SHLD1: variants seen among roughly 807,000 people sequenced by gnomAD.
SHLD1 encodes the protein RINN1-REV7-interacting novel NHEJ regulator 3.
SHLD1 carries 3 observed loss-of-function variants against 5.5 expected under a neutral mutation model. The ratio of observed to expected loss-of-function variants is 0.54; its 90% CI spans 0.25 to 1.40. The LOEUF (loss-of-function observed/expected upper bound fraction) is 1.40. Among genes scored for constraint, SHLD1 ranks in the 40% most tolerant of loss-of-function variants. The pLI is 0.15. For synonymous variants in SHLD1, 92 were observed against 94.3 expected, an observed-to-expected ratio of 0.98 and a Z score of 0.14; for missense variants, 210 against 244.4, an observed-to-expected ratio of 0.86 and a Z score of 0.94.
intron 2 of SHLD1, chr20:5,773,322 CAG>C: frequency 1.7e-6 from 1 of 599,926 alleles, no homozygotes; most frequent in Non-Finnish European, 3.0e-6. Context: ...AATTCAGAAG[CAG>C]GGGAATATTT....
intron 2 of SHLD1, among the ~76,000 whole-genome samples, chr20:5,821,466 C>G (rs1382447769): frequency 1.3e-5 from 2 of 152,148 alleles, no homozygotes; most frequent in Non-Finnish European, 2.9e-5. Context: ...GAGCTGAGAT[C>G]ACACCACTGC....
At chr20:5,826,463 A>G (rs1367499077) in intron 2 of SHLD1, among the ~76,000 whole-genome samples, 1 of 152,150 alleles carries the variant, frequency 6.6e-6, no homozygotes, top group African/African-American at 2.4e-5. Flanking sequence ...AAAAAAAGAA[A>G]AAGATTATGC....
In SHLD1 at chr20:5,855,048, A is replaced by AT. The variant is rs1251202298; in HGVS notation, c.179-7966dup. Among the ~76,000 whole-genome samples the AT allele has an allele frequency of 1.3e-3, 190 of 147,814 alleles. No individual in the cohort carries two copies. The highest frequency in any genetic ancestry group is 1.7e-3 in the African/African-American group (67 of 40,148). On this transcript the variant is annotated intron_variant, in intron 2 of 2. Transcript: ENST00000303142. This position sits in a 1 kb window ranked among gnomAD's most constrained non-coding sequence, Gnocchi z 4.4. ...ACCACCATGGCCGGCTAAATTTTTA[A>AT]TTTTTTTTTTGTAGAGGCAGGGTCT... is the stretch of plus-strand genomic sequence containing the variant.
At chr20:5,795,440 A>G (rs2087197734) in intron 2 of SHLD1, among the ~76,000 whole-genome samples, 1 of 151,788 alleles carries the variant, frequency 6.6e-6, no homozygotes, top group Admixed American at 6.6e-5. Flanking sequence ...TGTACTAAAA[A>G]TACAAAAAAT....
At chr20:5,844,791 A>ATTTTTT (rs1361285741) in intron 2 of SHLD1, among the ~76,000 whole-genome samples, 1 of 98,642 alleles carries the variant, frequency 1.0e-5, no homozygotes, top group African/African-American at 6.4e-5. Flanking sequence ...ATATATATAT[A>ATTTTTT]TATATATATT....
chr20:5,863,073 C>A lies in SHLD1; in HGVS notation c.228C>A (p.Asn76Lys), dbSNP rs2088183523. 6.2e-7 allele frequency: 1 copy of A among 1,614,034 alleles called. No homozygotes were observed. ...AAAATAACTCCTGGACCGCTGAGAA[C>A]TTCTGGCTTGACCCTGCTGTGAAAG... ...IEQNNSWTAE[N>K]FWLDPAVKGQ... is the part of the protein sequence containing the mutation. The change falls in exon 3 of 3, where the codon AAC becomes AAA. Residue 76 changes from asparagine to lysine, a missense_variant. Transcript: ENST00000303142.
At chr20:5,794,017 C>T (rs1000315117) in intron 2 of SHLD1, among the ~76,000 whole-genome samples, 2 of 151,086 alleles carry the variant, frequency 1.3e-5, no homozygotes. Context: ...GCCCCTTTCT[C>T]TCTGGTTTTA....
At chr20:5,822,947 C>T (rs1022839848) in intron 2 of SHLD1, among the ~76,000 whole-genome samples, 3 of 152,076 alleles carry the variant, frequency 2.0e-5, no homozygotes. Flanking sequence ...CTCTTACCTT[C>T]CCGATTTCTC....
chr20:5,797,070 T>C (rs1451665741), intron 2 of SHLD1, among the ~76,000 whole-genome samples: 1 of 152,130 alleles, frequency 6.6e-6, no homozygotes, highest in Non-Finnish European at 1.5e-5. Context: ...GGATTCTATC[T>C]TTTGCTCCAA....
At chr20:5,835,261 A>T (rs2087776270) in intron 2 of SHLD1, among the ~76,000 whole-genome samples, 1 of 152,176 alleles carries the variant, frequency 6.6e-6, no homozygotes, top group East Asian at 1.9e-4. Context: ...AGTTGTGTTG[A>T]TGGTGATTTG....
At position 5,863,545 on chromosome 20, in the gene SHLD1, G is replaced by A; in HGVS notation, c.*82G>A. On this transcript the variant is annotated 3_prime_UTR_variant, in exon 3 of 3. Transcript: ENST00000303142. ...GTTGGTGGCCACCCAGATCCCCTAG[G>A]GTCTCTGGCCAGCTCTGTGTGCCCA... 2 of 1,387,186 alleles carry A rather than the reference G, an allele frequency of 1.4e-6. No homozygotes were observed. The highest frequency in any genetic ancestry group is 2.0e-6 in the Non-Finnish European group (2 of 1,016,964). The allele number at this position is 1,387,186 out of a possible 1,614,324, so 85.9% of individuals were successfully genotyped here.
chr20:5,813,117 C>G (rs1368485275), intron 2 of SHLD1, among the ~76,000 whole-genome samples: 3 of 151,982 alleles, frequency 2.0e-5, no homozygotes, highest in East Asian at 1.9e-4. Context: ...CTCAAGTGAT[C>G]CACTCGCCTC....
intron 2 of SHLD1, among the ~76,000 whole-genome samples, chr20:5,840,111 C>T (rs2087840211): frequency 6.6e-6 from 1 of 152,214 alleles, no homozygotes; most frequent in Admixed American, 6.5e-5. Context: ...ACTTCATCCC[C>T]ATGAGCTTGC....
chr20:5,778,107 C>T (rs1197109603), intron 2 of SHLD1, among the ~76,000 whole-genome samples: 1 of 138,994 alleles, frequency 7.2e-6, no homozygotes, highest in Non-Finnish European at 1.6e-5. Flanking sequence ...CAGGAGGATC[C>T]CTTTTTCTTT....
intron 2 of SHLD1, among the ~76,000 whole-genome samples, chr20:5,814,506 A>G (rs936095128): frequency 6.6e-6 from 1 of 152,162 alleles, no homozygotes; most frequent in Admixed American, 6.6e-5. Flanking sequence ...TCCCTATAGA[A>G]TTGAATTAAT....
At chr20:5,837,115 G>A (rs1258551973) in intron 2 of SHLD1, among the ~76,000 whole-genome samples, 3 of 152,138 alleles carry the variant, frequency 2.0e-5, no homozygotes, top group Admixed American at 6.5e-5. Flanking sequence ...AAGATTCTCC[G>A]GGAGGGCTGG....
At chr20:5,753,089 G>A (rs538296035) in intron 1 of SHLD1, among the ~76,000 whole-genome samples, 208 of 152,180 alleles carry the variant, frequency 1.4e-3, no homozygotes, top group African/African-American at 4.5e-3. Flanking sequence ...ATGAGCCACC[G>A]CACCTGGCCG....
At chr20:5,795,123 C>T (rs1444631824) in intron 2 of SHLD1, among the ~76,000 whole-genome samples, 1 of 151,876 alleles carries the variant, frequency 6.6e-6, no homozygotes, top group Admixed American at 6.6e-5. Context: ...CCTGTAATCC[C>T]AGCTACTCGG....
At chr20:5,755,647 C>T (rs1237442312) in intron 1 of SHLD1, among the ~76,000 whole-genome samples, 1 of 151,968 alleles carries the variant, frequency 6.6e-6, no homozygotes, top group Non-Finnish European at 1.5e-5. Flanking sequence ...ACAACCTCCG[C>T]CTCCCAGGTT....
Sources: allele counts gnomAD v4.1 joint callset (sites outside exome capture counted in the v4.1 genomes callset), GRCh38; gene constraint gnomAD v4.1.1; non-coding constraint Gnocchi (gnomAD v3.1); transcripts MANE v1.5; gene names NCBI Gene and HGNC (gene_info 2026-07-23, HGNC 2026-07-21).